The following TOP1 variants were observed in gnomAD, a reference collection of about 807,000 sequenced individuals.
TOP1 encodes DNA topoisomerase 1.
Under a neutral mutation model 111.1 loss-of-function variants are expected in TOP1, and 10 were observed. The ratio of observed to expected loss-of-function variants is 0.09; its 90% confidence interval spans 0.06 to 0.15. The LOEUF is 0.15. Among genes scored for constraint, TOP1 ranks in the 10% least tolerant of loss-of-function variants. The pLI is 1.00. For missense variants in TOP1, 474 were observed against 926.7 expected (o/e 0.51, Z 6.34); for synonymous variants, 271 against 302.9 (o/e 0.89, Z 1.10).
In TOP1 at chr20:41,115,931, C is replaced by T. The variant is rs1416642876; in HGVS notation, c.1708-347C>T. The stretch of plus-strand genomic sequence containing the variant: ...CTGGGCAACATGGCAAAACCATTAT[C>T]CAGGTGTGGTAGTCCACACCTGTAG... On this transcript the variant is annotated intron_variant, in intron 16 of 20. Transcript: ENST00000361337. This position sits in a 1 kb window ranked among gnomAD's most constrained non-coding sequence, Gnocchi z 6.3. Among the ~76,000 whole-genome samples the T allele has an allele frequency of 6.6e-6, 1 of 152,110 alleles. No homozygotes were observed. Among genetic ancestry groups the T allele is most frequent in the African/African-American group, 2.4e-5 (1 of 41,404 alleles).
chr20:41,060,038 T>A (rs964709265), intron 2 of TOP1, among the ~76,000 whole-genome samples: 1 of 152,220 alleles, frequency 6.6e-6, no homozygotes, highest in Non-Finnish European at 1.5e-5. Context: ...CAGATATTGG[T>A]GAAAATTTGT....
chr20:41,054,485 C>T (rs2033444776), intron 2 of TOP1, among the ~76,000 whole-genome samples: 2 of 152,132 alleles, frequency 1.3e-5, no homozygotes, highest in Non-Finnish European at 2.9e-5. Context: ...TTATTAGCAG[C>T]GTGAGAATGG....
Position 41,101,443 on chromosome 20 carries a change from T to A in TOP1, c.1308+90T>A. On this transcript the variant is annotated intron_variant, in intron 13 of 20. Transcript: ENST00000361337. The surrounding 1 kb of genome is among the most constrained non-coding windows in gnomAD (Gnocchi z 4.1). ...ACGTTCTCGTCCTCTAGAATCACTT[T>A]GACAAATTAAAAATCCTCCCCATTG... 1 of 1,358,042 alleles carries A rather than the reference T, an allele frequency of 7.4e-7. No homozygotes were observed. Among genetic ancestry groups the A allele is most frequent in the African/African-American group, 1.5e-5 (1 of 68,550 alleles). The allele number at this position is 1,358,042 out of a possible 1,614,324, so 84.1% of individuals were successfully genotyped here. A position where few individuals can be genotyped will look rare whatever the true frequency, so the allele number is the denominator to read the frequency against.
rs754504760 is a variant in TOP1, at chr20:41,077,603, A to G, written c.301A>G (p.Lys101Glu). The change falls in exon 5 of 21, where the codon AAA becomes GAA. Residue 101 changes from lysine (K) to glutamate (E), a missense_variant. Lys to Glu is a moderately conservative substitution (Grantham distance 56). Transcript: ENST00000361337. ...TCAGGTTCGAGCCTCTGGGGATGCA[A>G]AAATAAAGAAGGAGAAGGAAAATGG... is the stretch of plus-strand genomic sequence containing the variant. ...EEKVRASGDAKIKKEKENGFS... is the reference protein window; with the variant it reads ...EEKVRASGDAEIKKEKENGFS... 6.2e-7 allele frequency: 1 copy of G among 1,614,092 alleles called. No homozygotes were observed. Among genetic ancestry groups the G allele is most frequent in the East Asian group, 2.2e-5 (1 of 44,880 alleles).
In TOP1 at chr20:41,095,212, C is replaced by G. The variant is rs1382442481; in HGVS notation, c.731-2008C>G. 2.6e-5 allele frequency among the ~76,000 whole-genome samples: 4 copies of G among 151,980 alleles called. No individual in the cohort carries two copies. Among genetic ancestry groups the G allele is most frequent in the Admixed American group, 2.0e-4 (3 of 15,254 alleles). Reference sequence around the variant, plus strand: ...AATTAACAGGCACGTGCCACCACACCTAAGTTTTGTATTTTTAATAGAGAC... The same window carrying G: ...AATTAACAGGCACGTGCCACCACACGTAAGTTTTGTATTTTTAATAGAGAC... On this transcript the variant is annotated intron_variant, in intron 9 of 20. Coordinates refer to ENST00000361337, the MANE Select transcript of TOP1 (RefSeq NM_003286.4). The surrounding 1 kb of genome is among the most constrained non-coding windows in gnomAD (Gnocchi z 4.6).
intron 2 of TOP1, among the ~76,000 whole-genome samples, chr20:41,044,034 T>G (rs529097794): frequency 6.6e-6 from 1 of 152,218 alleles, no homozygotes; most frequent in South Asian, 2.1e-4. Context: ...CCCAGCACTT[T>G]GGGAGGCCGA....
rs1214145826 is a variant in TOP1, at chr20:41,111,590, A to AC, written c.1309-1186dup. ...AGAAGGCTGGTTGCGCCCCCACCCC[A>AC]CCCCCCGCCCCCTTTTTTTTTTTTT... On this transcript the variant is annotated intron_variant, in intron 13 of 20. Coordinates refer to ENST00000361337, the MANE Select transcript of TOP1 (RefSeq NM_003286.4). 5.1e-4 allele frequency among the ~76,000 whole-genome samples: 24 copies of AC among 47,202 alleles called. No homozygotes were observed. The East Asian group carries it at 6.5e-3, about 13-fold the overall frequency. The allele number at this position is 47,202 out of a possible 152,430, so 31.0% of individuals were successfully genotyped here.
chr20:41,068,529 T>C (rs1429836812), intron 3 of TOP1, among the ~76,000 whole-genome samples: 1 of 152,132 alleles, frequency 6.6e-6, no homozygotes, highest in Admixed American at 6.5e-5. Context: ...GCCTCTTGAA[T>C]AGCTGGGACA....
chr20:41,085,287 CTT>C (rs1404447268), intron 8 of TOP1, among the ~76,000 whole-genome samples: 1 of 152,056 alleles, frequency 6.6e-6, no homozygotes, highest in African/African-American at 2.4e-5. Flanking sequence ...AATGATAAAT[CTT>C]TTTGTTTAAT....
In TOP1 at chr20:41,116,189, T is replaced by A; in HGVS notation, c.1708-89T>A. On this transcript the variant is annotated intron_variant, in intron 16 of 20. Transcript: ENST00000361337. This position sits in a 1 kb window ranked among gnomAD's most constrained non-coding sequence, Gnocchi z 5.6. ...TAGGGCAATAAACTTGACAAGATTG[T>A]GACTGCACTGGCATAAATTACTCCT... 1 of 783,102 alleles carries A rather than the reference T, an allele frequency of 1.3e-6. No individual in the cohort carries two copies. Among genetic ancestry groups the A allele is most frequent in the Non-Finnish European group, 2.2e-6 (1 of 463,710 alleles). The allele number at this position is 783,102 out of a possible 1,614,324, so 48.5% of individuals were successfully genotyped here. A position where few individuals can be genotyped will look rare whatever the true frequency, so the allele number is the denominator to read the frequency against.
At chr20:41,076,336 CT>C in intron 4 of TOP1, 42 bp downstream of exon 4, 1 of 1,567,040 alleles carries the variant, frequency 6.4e-7, no homozygotes, top group East Asian at 2.3e-5. Context: ...CGTGGATGCA[CT>C]TTTGTTTACC....
At position 41,109,894 on chromosome 20, in the gene TOP1, T is replaced by C. The variant is rs1021674445; in HGVS notation, c.1309-2888T>C. Among the ~76,000 whole-genome samples the C allele has an allele frequency of 1.3e-5, 2 of 152,234 alleles. No homozygotes were observed. The highest frequency in any genetic ancestry group is 4.8e-5 in the African/African-American group (2 of 41,472). ...GTGCAAAACTGGAAACATCCCAGAA[T>C]AGATAACACATTATGGTATAGTCAT... On this transcript the variant is annotated intron_variant, in intron 13 of 20. Coordinates refer to ENST00000361337, the MANE Select transcript of TOP1 (RefSeq NM_003286.4). The surrounding 1 kb of genome is among the most constrained non-coding windows in gnomAD (Gnocchi z 4.1).
At position 41,030,522 on chromosome 20, in the gene TOP1, C is replaced by G. The variant is rs534326562; in HGVS notation, c.58+1067C>G. Among the ~76,000 whole-genome samples the G allele has an allele frequency of 6.6e-5, 10 of 151,660 alleles. No individual in the cohort carries two copies. Among genetic ancestry groups the G allele is most frequent in the Non-Finnish European group, 1.5e-4 (10 of 67,970 alleles). On this transcript the variant is annotated intron_variant, in intron 2 of 20. Coordinates refer to ENST00000361337, the MANE Select transcript of TOP1 (RefSeq NM_003286.4). This position sits in a 1 kb window ranked among gnomAD's most constrained non-coding sequence, Gnocchi z 4.1. Reference sequence around the variant, plus strand: ...TTTATGTTTTTGAACCCTTTTCAGCCAAATCAAGGCATTTATTCTTACTGT... The same window carrying G: ...TTTATGTTTTTGAACCCTTTTCAGCGAAATCAAGGCATTTATTCTTACTGT...
At chr20:41,075,398 C>G (rs1374845857) in intron 3 of TOP1, among the ~76,000 whole-genome samples, 4 of 152,204 alleles carry the variant, frequency 2.6e-5, no homozygotes, top group African/African-American at 9.7e-5. Flanking sequence ...GTCTCAGTCT[C>G]CTGACCTCGT....
rs2033798329 is a variant in TOP1 at position 41,082,361 on chromosome 20, AG to A, written c.507+1123del. 6.6e-6 allele frequency among the ~76,000 whole-genome samples: 1 copy of A among 152,220 alleles called. No individual in the cohort carries two copies. Among genetic ancestry groups the A allele is most frequent in the African/African-American group, 2.4e-5 (1 of 41,464 alleles). On this transcript the variant is annotated intron_variant, in intron 7 of 20. Transcript: ENST00000361337. This position sits in a 1 kb window ranked among gnomAD's most constrained non-coding sequence, Gnocchi z 4.1. ...TTCATTTAATCCTTACAACCTGAAT[AG>A]GTTGTTACATCCCTATTATCATCTC...
chr20:41,107,659 A>G (rs1466637980), intron 13 of TOP1, among the ~76,000 whole-genome samples: 1 of 152,128 alleles, frequency 6.6e-6, no homozygotes, highest in African/African-American at 2.4e-5. Context: ...TCTTTGTAAG[A>G]TTGTTCTATA....
Position 41,114,063 on chromosome 20 carries a change from C to T in TOP1, c.1546C>T (p.Pro516Ser). 1 of 1,614,060 alleles carries T rather than the reference C, an allele frequency of 6.2e-7. No individual in the cohort carries two copies. The highest frequency in any genetic ancestry group is 1.1e-5 in the South Asian group (1 of 91,084). Residue 516 changes from proline to serine, a missense_variant, in exon 15 of 21, where the codon CCA becomes TCA. Around this residue, in one of 14 missense-constraint regions of TOP1, gnomAD observed 18 missense variants for 16.4 expected, o/e 1.10. Coordinates refer to ENST00000361337, the MANE Select transcript of TOP1 (RefSeq NM_003286.4). This position sits in a 1 kb window ranked among gnomAD's most constrained non-coding sequence, Gnocchi z 4.5. The stretch of plus-strand genomic sequence containing the variant: ...TCGTGTGGAGCACATCAATCTACAC[C>T]CAGAGTTGGATGGTCAGGAATATGT... Reference protein sequence around the residue: ...SLRVEHINLHPELDGQEYVVE... With the variant: ...SLRVEHINLHSELDGQEYVVE...
intron 3 of TOP1, among the ~76,000 whole-genome samples, chr20:41,063,464 G>A (rs907390822): frequency 1.4e-4 from 22 of 152,198 alleles, no homozygotes; most frequent in African/African-American, 5.1e-4. Context: ...CAAGTAATGG[G>A]ATTGCTGGAT....
rs145637120 is a variant in TOP1, at chr20:41,050,976, G to A, written c.59-10418G>A. Among the ~76,000 whole-genome samples, 329 of 152,228 alleles carry A rather than the reference G, an allele frequency of 2.2e-3. 1 individual carries two copies. The highest frequency in any genetic ancestry group is 6.5e-3 in the African/African-American group (270 of 41,528). Reference sequence around the variant, plus strand: ...GAGGAAGTAGAAGATGTAAGGGTTTGCCCCAGTACAAGAGTTTTAATAATG... The same window carrying A: ...GAGGAAGTAGAAGATGTAAGGGTTTACCCCAGTACAAGAGTTTTAATAATG... On this transcript the variant is annotated intron_variant, in intron 2 of 20. Coordinates refer to ENST00000361337, the MANE Select transcript of TOP1 (RefSeq NM_003286.4).
Sources: gnomAD v4.1 joint callset for allele counts (sites outside exome capture counted in the v4.1 genomes callset) on GRCh38, gnomAD v4.1.1 for gene constraint, gnomAD v4.1.1 regional missense constraint, Gnocchi (gnomAD v3.1) non-coding constraint, MANE v1.5 for transcripts, NCBI Gene and HGNC (gene_info 2026-07-23, HGNC 2026-07-21) for gene names.